SNAP47: variants seen among roughly 807,000 people sequenced by gnomAD.
SNAP47 encodes synaptosome associated protein 47, also known as synaptosomal-associated protein 47.
A neutral mutation model predicts 31.4 loss-of-function variants in SNAP47; 20 were observed. That is an observed-to-expected ratio of 0.64 (90% CI 0.45 to 0.93). The LOEUF is 0.93. Ranked by LOEUF, SNAP47 falls within the 40% of genes least tolerant of loss-of-function variation. The probability of loss-of-function intolerance (pLI) is 0.00; values close to 1 mark genes in which losing one functional copy is unlikely to be tolerated. For missense variants in SNAP47, 492 were observed against 528.5 expected (o/e 0.93, Z 0.68); for synonymous variants, 194 against 213.4 (o/e 0.91, Z 0.79).
At chr1:227,737,013 A>G (rs1333075616) in intron 1 of SNAP47, among the ~76,000 whole-genome samples, 1 of 152,124 alleles carries the variant, frequency 6.6e-6, no homozygotes, top group Non-Finnish European at 1.5e-5. Flanking sequence ...AAACCTAGAT[A>G]CTTTCTTCCA....
At position 227,748,243 on chromosome 1, in the gene SNAP47, C is replaced by A; in HGVS notation, c.497+10C>A. ...TGGAGGTGGCGGACAGGTGGGCTTG[C>A]TGTGTACACTTTGCAAGGCACACAC... On this transcript the variant is annotated intron_variant, in intron 2 of 4. Coordinates refer to ENST00000617596, the MANE Select transcript of SNAP47 (RefSeq NM_053052.4). 2 of 1,553,238 alleles carry A rather than the reference C, an allele frequency of 1.3e-6. No individual in the cohort carries two copies. Among genetic ancestry groups the A allele is most frequent in the East Asian group, 2.3e-5 (1 of 44,180 alleles).
At chr1:227,745,418 G>A (rs982013262) in intron 1 of SNAP47, among the ~76,000 whole-genome samples, 1 of 152,148 alleles carries the variant, frequency 6.6e-6, no homozygotes, top group Admixed American at 6.5e-5. Context: ...TGATGTCCCC[G>A]AATAGAAACA....
chr1:227,732,251 G>A, upstream of SNAP47: 1 of 954,358 alleles, frequency 1.0e-6, no homozygotes. Context: ...AGGCACCCAG[G>A]CAGTGGCCAT....
intron 2 of SNAP47, among the ~76,000 whole-genome samples, chr1:227,750,857 G>C (rs1264865602): frequency 3.9e-5 from 6 of 152,216 alleles, no homozygotes. Context: ...CCGAGTTTCT[G>C]TGTGGCCACA....
intron 4 of SNAP47, among the ~76,000 whole-genome samples, chr1:227,769,604 G>A (rs558023263): frequency 6.6e-6 from 1 of 152,284 alleles, no homozygotes; most frequent in South Asian, 2.1e-4. Context: ...GGTTGCAACT[G>A]GGGGTGCTCA....
rs1206353551 is a variant in SNAP47, at chr1:227,776,059, C to T, written c.1114-4468C>T. The T allele has an allele frequency of 4.2e-6, 5 of 1,189,640 alleles. No individual in the cohort carries two copies. The Admixed American group carries it at 1.0e-4, about 24-fold the overall frequency. The allele number at this position is 1,189,640 out of a possible 1,614,324, so 73.7% of individuals were successfully genotyped here. A position where few individuals can be genotyped will look rare whatever the true frequency, so the allele number is the denominator to read the frequency against. ...GGCAGTGTCAGCCACGCATCAGTTG[C>T]GTTTCTTTGTTCAGGTTGTGCCTCT... On this transcript the variant is annotated intron_variant, in intron 4 of 4. Coordinates refer to ENST00000617596, the MANE Select transcript of SNAP47 (RefSeq NM_053052.4).
In SNAP47 at chr1:227,762,577, G is replaced by A. The variant is rs1233669593; in HGVS notation, c.988+3092G>A. On this transcript the variant is annotated intron_variant, in intron 3 of 4. Coordinates refer to ENST00000617596, the MANE Select transcript of SNAP47 (RefSeq NM_053052.4). This position sits in a 1 kb window ranked among gnomAD's most constrained non-coding sequence, Gnocchi z 4.2. Reference sequence around the variant, plus strand: ...TCTCAGAAATCCCTGCCTCTGGGACGAGCGCTGGTGCACGTGTGGCCACAG... The same window carrying A: ...TCTCAGAAATCCCTGCCTCTGGGACAAGCGCTGGTGCACGTGTGGCCACAG... Among the ~76,000 whole-genome samples the A allele has an allele frequency of 2.0e-5, 3 of 152,238 alleles. No homozygotes were observed. The highest frequency in any genetic ancestry group is 4.4e-5 in the Non-Finnish European group (3 of 68,044).
At position 227,735,498 on chromosome 1, in the gene SNAP47, A is replaced by C; in HGVS notation, c.-47A>C. 1 of 1,406,800 alleles carries C rather than the reference A, an allele frequency of 7.1e-7. No individual in the cohort carries two copies. Among genetic ancestry groups the C allele is most frequent in the Non-Finnish European group, 9.2e-7 (1 of 1,089,626 alleles). 87.1% of individuals were successfully genotyped at this position (1,406,800 alleles called of 1,614,324 possible). The stretch of plus-strand genomic sequence containing the variant: ...CTCTGGGACTCGTCTGGCGTCCCTC[A>C]GGTGAGCGACGGTGTTGGTCTGTTG... On this transcript the variant is annotated splice_region_variant and 5_prime_UTR_variant, in exon 1 of 5. Transcript: ENST00000617596.
rs775793485 is a variant in SNAP47 at position 227,759,034 on chromosome 1, T to C, written c.537T>C (p.Phe179=). 7.4e-6 allele frequency: 12 copies of C among 1,611,366 alleles called. No individual in the cohort carries two copies. The East Asian group carries it at 1.1e-4, about 15-fold the overall frequency. The change falls in exon 3 of 5, where the codon TTT becomes TTC. Residue 179 remains phenylalanine (F), a synonymous_variant. Transcript: ENST00000617596. ...TELESPAWWP[F]SSKLWKTPPE... is the part of the protein sequence containing the mutation. ...TGGAATCTCCTGCTTGGTGGCCCTT[T>C]AGCTCCAAGCTTTGGAAGACACCAC...
chr1:227,755,226 C>T lies in SNAP47; in HGVS notation c.498-3769C>T, dbSNP rs551698075. Among the ~76,000 whole-genome samples, 4 of 149,772 alleles carry T rather than the reference C, an allele frequency of 2.7e-5. No individual in the cohort carries two copies. The East Asian group carries it at 5.9e-4, about 22-fold the overall frequency. ...GTTTTTATTTATTTACTTTTTGAGA[C>T]AGGATCTTACTCCGTCACTTGGGCT... On this transcript the variant is annotated intron_variant, in intron 2 of 4. Coordinates refer to ENST00000617596, the MANE Select transcript of SNAP47 (RefSeq NM_053052.4).
At chr1:227,738,724 G>C (rs183094553) in intron 1 of SNAP47, among the ~76,000 whole-genome samples, 268 of 152,342 alleles carry the variant, frequency 1.8e-3, no homozygotes, top group African/African-American at 6.2e-3. Flanking sequence ...TGGGGAAGAT[G>C]TGGGGAGCAG....
chr1:227,732,755 C>A, upstream of SNAP47: 1 of 1,591,306 alleles, frequency 6.3e-7, no homozygotes, highest in Non-Finnish European at 8.5e-7. Flanking sequence ...GCGCCCAGTC[C>A]CCAAGGACGA....
upstream of SNAP47, chr1:227,735,262 C>T (rs907386417): frequency 4.4e-6 from 7 of 1,604,904 alleles, no homozygotes; most frequent in Admixed American, 1.7e-5. Context: ...GGGCGCGCGT[C>T]TCGCGGTCCA....
intron 2 of SNAP47, among the ~76,000 whole-genome samples, chr1:227,754,923 TG>T (rs1662601485): frequency 6.6e-6 from 1 of 152,200 alleles, no homozygotes; most frequent in Non-Finnish European, 1.5e-5. Flanking sequence ...GTCCTTTAGT[TG>T]TATAAACCAA....
intron 4 of SNAP47, among the ~76,000 whole-genome samples, chr1:227,779,927 C>G (rs1426440762): frequency 6.6e-6 from 1 of 152,170 alleles, no homozygotes; most frequent in Admixed American, 6.5e-5. Flanking sequence ...CGGGGACCAT[C>G]TCCCACACCC....
At chr1:227,733,492 G>C (rs765576985), upstream of SNAP47, 1 of 1,594,372 alleles carries the variant, frequency 6.3e-7, no homozygotes, top group East Asian at 2.2e-5. Context: ...CCAAGGGTGG[G>C]CCAGCAAGCT....
At chr1:227,764,269 A>T (rs1663247656) in intron 3 of SNAP47, among the ~76,000 whole-genome samples, 1 of 152,246 alleles carries the variant, frequency 6.6e-6, no homozygotes, top group Admixed American at 6.5e-5. Flanking sequence ...AGATGGCAGC[A>T]TGCAGCCTCA....
At chr1:227,772,856 A>T (rs1010158294) in intron 4 of SNAP47, among the ~76,000 whole-genome samples, 2 of 152,188 alleles carry the variant, frequency 1.3e-5, no homozygotes, top group African/African-American at 4.8e-5. Flanking sequence ...CCTTGTTGAA[A>T]ATCCGTTAGC....
upstream of SNAP47, chr1:227,731,387 C>T (rs532910226): frequency 4.6e-5 from 7 of 152,360 alleles, no homozygotes; most frequent in East Asian, 7.7e-4. Flanking sequence ...TGGCACGTGC[C>T]GTCCCTGTGG....
Sources: gnomAD v4.1 joint callset for allele counts (sites outside exome capture counted in the v4.1 genomes callset) on GRCh38, gnomAD v4.1.1 for gene constraint, Gnocchi (gnomAD v3.1) non-coding constraint, MANE v1.5 for transcripts, NCBI Gene and HGNC (gene_info 2026-07-23, HGNC 2026-07-21) for gene names.